Variants in ATRNL1 observed in about 807,000 individuals in gnomAD.
ATRNL1 encodes the protein attractin-like protein 1.
A neutral mutation model predicts 182.7 loss-of-function variants in ATRNL1; 95 were observed. The ratio of observed to expected loss-of-function variants is 0.52; its 90% CI spans 0.44 to 0.62. The LOEUF is 0.62. Among genes scored for constraint, ATRNL1 ranks in the 20% least tolerant of loss-of-function variants. The probability of loss-of-function intolerance (pLI) is 0.00; values close to 1 mark genes in which losing one functional copy is unlikely to be tolerated. For missense variants in ATRNL1, 1,471 were observed against 1,679.5 expected (o/e 0.88, Z 2.17); for synonymous variants, 576 against 568.3 (o/e 1.01, Z -0.19).
At position 115,947,193 on chromosome 10, in the gene ATRNL1, T is replaced by G. The variant is rs770195090; in HGVS notation, c.*2414T>G. 6 of 152,602 alleles carry G rather than the reference T, an allele frequency of 3.9e-5. No homozygotes were observed. The highest frequency in any genetic ancestry group is 8.8e-5 in the Non-Finnish European group (6 of 68,042). The allele number at this position is 152,602 out of a possible 1,614,324, so 9.5% of individuals were successfully genotyped here. ...TTGAAAAGACATCAAGGATCAAGGATAATCACTTTGAATCTGTTGGTTTTT... is the reference window on the plus strand; with the variant it reads ...TTGAAAAGACATCAAGGATCAAGGAGAATCACTTTGAATCTGTTGGTTTTT... On this transcript the variant is annotated 3_prime_UTR_variant, in exon 29 of 29. Coordinates refer to ENST00000355044, the MANE Select transcript of ATRNL1 (RefSeq NM_207303.4).
chr10:115,730,143 G>A (rs972951032), intron 27 of ATRNL1, among the ~76,000 whole-genome samples: 1 of 148,814 alleles, frequency 6.7e-6, no homozygotes, highest in Non-Finnish European at 1.5e-5. Flanking sequence ...TGTAATCCCA[G>A]TTACTCTGGA....
chr10:115,703,283 G>A (rs1946796326), intron 26 of ATRNL1, among the ~76,000 whole-genome samples: 1 of 151,960 alleles, frequency 6.6e-6, no homozygotes, highest in Non-Finnish European at 1.5e-5. Context: ...AGATTTAAAT[G>A]TAAGACCTCA....
At chr10:115,677,888 G>C (rs1239574704) in intron 26 of ATRNL1, among the ~76,000 whole-genome samples, 1 of 151,988 alleles carries the variant, frequency 6.6e-6, no homozygotes, top group African/African-American at 2.4e-5. Flanking sequence ...TAGCCCAGGT[G>C]CTATCTATAG....
At chr10:115,664,616 T>A (rs1436560345) in intron 26 of ATRNL1, among the ~76,000 whole-genome samples, 2 of 152,098 alleles carry the variant, frequency 1.3e-5, no homozygotes, top group African/African-American at 4.8e-5. Flanking sequence ...ATTTTTCAAA[T>A]TAGTCTATTT....
At chr10:115,290,587 C>T (rs111710734) in intron 15 of ATRNL1, among the ~76,000 whole-genome samples, 2,485 of 152,158 alleles carry the variant, frequency 0.016, 54 homozygotes, top group African/African-American at 0.051. Flanking sequence ...ATCTGGGAGG[C>T]GGAGGTTGCA....
chr10:115,242,388 AC>A (rs1850460049), intron 10 of ATRNL1, among the ~76,000 whole-genome samples: 1 of 151,954 alleles, frequency 6.6e-6, no homozygotes, highest in African/African-American at 2.4e-5. Context: ...TTATTGAAAT[AC>A]TAAATTTAGG....
At chr10:115,457,130 G>A (rs116377821) in intron 21 of ATRNL1, among the ~76,000 whole-genome samples, 9,213 of 152,084 alleles carry the variant, frequency 0.061, 373 homozygotes, top group Admixed American at 0.086. Flanking sequence ...CGTGGACACC[G>A]GAGAGTGAGT....
At chr10:115,701,779 T>C (rs552821531) in intron 26 of ATRNL1, among the ~76,000 whole-genome samples, 3 of 152,010 alleles carry the variant, frequency 2.0e-5, no homozygotes, top group African/African-American at 4.8e-5. Flanking sequence ...CAGACCAATA[T>C]TGAGTTCTAA....
chr10:115,813,003 T>A (rs1950082248), intron 27 of ATRNL1, among the ~76,000 whole-genome samples: 1 of 152,118 alleles, frequency 6.6e-6, no homozygotes, highest in Non-Finnish European at 1.5e-5. Flanking sequence ...ATGGATGTCT[T>A]CTCTTCCTTT....
intron 28 of ATRNL1, among the ~76,000 whole-genome samples, chr10:115,864,235 G>C (rs1011525724): frequency 6.6e-6 from 1 of 151,036 alleles, no homozygotes; most frequent in African/African-American, 2.4e-5. Context: ...CTCCAGCCTC[G>C]GAGCCTGGGT....
At chr10:115,840,423 G>A (rs530338702) in intron 27 of ATRNL1, among the ~76,000 whole-genome samples, 1 of 152,272 alleles carries the variant, frequency 6.6e-6, no homozygotes, top group East Asian at 1.9e-4. Context: ...ACAGAATGGT[G>A]TAATAACAAT....
intron 26 of ATRNL1, among the ~76,000 whole-genome samples, chr10:115,601,907 A>G (rs1555016018): frequency 6.7e-6 from 1 of 149,820 alleles, no homozygotes. Context: ...TTTTTCCTCT[A>G]TATTTTCATT....
At chr10:115,937,300 T>C (rs1253898748) in intron 28 of ATRNL1, among the ~76,000 whole-genome samples, 2 of 152,228 alleles carry the variant, frequency 1.3e-5, no homozygotes, top group Non-Finnish European at 2.9e-5. Flanking sequence ...AATACAATGA[T>C]CATTTGCACT....
intron 19 of ATRNL1, among the ~76,000 whole-genome samples, chr10:115,381,692 A>T (rs1554951171): frequency 6.6e-6 from 1 of 152,016 alleles, no homozygotes; most frequent in Non-Finnish European, 1.5e-5. Flanking sequence ...TATCATTTGT[A>T]GCACAATATT....
intron 28 of ATRNL1, among the ~76,000 whole-genome samples, chr10:115,921,444 TAAAG>T (rs1953058978): frequency 6.6e-6 from 1 of 152,152 alleles, no homozygotes; most frequent in South Asian, 2.1e-4. Flanking sequence ...CTTAAAAAGA[TAAAG>T]AAGAAAACTC....
At chr10:115,600,490 T>C (rs1398570973) in intron 26 of ATRNL1, among the ~76,000 whole-genome samples, 1 of 152,150 alleles carries the variant, frequency 6.6e-6, no homozygotes, top group Non-Finnish European at 1.5e-5. Flanking sequence ...TCAGTTTTTG[T>C]TGGCTAATGG....
chr10:115,657,454 GGCATGGCAGTT>G (rs1565256713), intron 26 of ATRNL1, among the ~76,000 whole-genome samples: 1 of 152,138 alleles, frequency 6.6e-6, no homozygotes, highest in African/African-American at 2.4e-5. Context: ...AAATGCACAT[GGCATGGCAGTT>G]GCATTCTTGA....
intron 28 of ATRNL1, among the ~76,000 whole-genome samples, chr10:115,909,092 G>A (rs1407391878): frequency 6.6e-5 from 10 of 152,066 alleles, no homozygotes; most frequent in Non-Finnish European, 1.2e-4. Flanking sequence ...ATTCATTCAA[G>A]ACTTTGTGTG....
intron 27 of ATRNL1, among the ~76,000 whole-genome samples, chr10:115,814,912 G>T (rs1950126358): frequency 6.6e-6 from 1 of 152,092 alleles, no homozygotes; most frequent in South Asian, 2.1e-4. Context: ...CTACACCACA[G>T]AATTACTATG....
Sources: gnomAD v4.1 joint callset for allele counts (sites outside exome capture counted in the v4.1 genomes callset) on GRCh38, gnomAD v4.1.1 for gene constraint, MANE v1.5 for transcripts, NCBI Gene and HGNC (gene_info 2026-07-23, HGNC 2026-07-21) for gene names.